DCLK2: variants seen among roughly 807,000 people sequenced by gnomAD.
DCLK2 encodes doublecortin like kinase 2.
Under a neutral mutation model 78.4 loss-of-function variants are expected in DCLK2, and 31 were observed. The ratio of observed to expected loss-of-function variants is 0.40; its 90% CI spans 0.30 to 0.53. The LOEUF (loss-of-function observed/expected upper bound fraction) is 0.53, where lower values mean the gene tolerates loss of function less well. Among genes scored for constraint, DCLK2 ranks in the 20% least tolerant of loss-of-function variants. The pLI, the probability that DCLK2 is intolerant of heterozygous loss-of-function variation, is 0.61. For missense variants in DCLK2, 872 were observed against 973.7 expected, an observed-to-expected ratio of 0.90 and a Z score of 1.39; for synonymous variants, 407 against 374.9, an observed-to-expected ratio of 1.09 and a Z score of -0.99.
intron 2 of DCLK2, among the ~76,000 whole-genome samples, chr4:150,192,692 C>A (rs182026220): frequency 5.8e-4 from 89 of 152,168 alleles, no homozygotes; most frequent in Non-Finnish European, 3.1e-4. Flanking sequence ...ATCCTCGAAA[C>A]AACCCAAGGC....
intron 2 of DCLK2, among the ~76,000 whole-genome samples, chr4:150,133,347 A>G (rs1017511208): frequency 1.3e-5 from 2 of 152,222 alleles, no homozygotes; most frequent in African/African-American, 4.8e-5. Flanking sequence ...AATGACCACG[A>G]AAGTACCACA....
At chr4:150,145,633 A>AT (rs1419897361) in intron 2 of DCLK2, among the ~76,000 whole-genome samples, 1 of 152,218 alleles carries the variant, frequency 6.6e-6, no homozygotes, top group Non-Finnish European at 1.5e-5. Context: ...CAGTCATTGC[A>AT]TTAGGTGGTT....
At position 150,102,834 on chromosome 4, in the gene DCLK2, G is replaced by C; in HGVS notation, c.756+22G>C. ...GCAGGTAAGATGCTTCTAGCTCCCA[G>C]CTCTCCATCTGACTTTTAAACTCCC... On this transcript the variant is annotated intron_variant, in intron 2 of 15. Coordinates refer to ENST00000296550, the MANE Select transcript of DCLK2 (RefSeq NM_001040260.4). The C allele has an allele frequency of 4.5e-6, 7 of 1,568,000 alleles. No individual in the cohort carries two copies. In the African/African-American group the frequency reaches 5.5e-5, roughly 12 times the overall value.
intron 1 of DCLK2, among the ~76,000 whole-genome samples, chr4:150,098,617 CTT>C (rs1730637113): frequency 6.6e-6 from 1 of 151,558 alleles, no homozygotes; most frequent in Admixed American, 6.6e-5. Flanking sequence ...GCACCTGTCA[CTT>C]TGTTTTGGTG....
At chr4:150,192,435 G>A (rs149073432) in intron 2 of DCLK2, among the ~76,000 whole-genome samples, 5 of 133,696 alleles carry the variant, frequency 3.7e-5, no homozygotes, top group Non-Finnish European at 1.5e-5. Flanking sequence ...AGCCGAAATC[G>A]CACCACTGCA....
chr4:150,218,903 T>C (rs1740951957), intron 5 of DCLK2, among the ~76,000 whole-genome samples: 1 of 152,182 alleles, frequency 6.6e-6, no homozygotes, highest in Non-Finnish European at 1.5e-5. Flanking sequence ...TTTTTATTCC[T>C]ATTAAGAATT....
intron 12 of DCLK2, among the ~76,000 whole-genome samples, chr4:150,246,348 A>T (rs1743308590): frequency 6.6e-6 from 1 of 152,048 alleles, no homozygotes; most frequent in African/African-American, 2.4e-5. Flanking sequence ...CACCCAGCCA[A>T]CTCTGCTCTT....
chr4:150,175,056 A>ATATATT (rs1187003962), intron 2 of DCLK2, among the ~76,000 whole-genome samples: 179 of 17,060 alleles, frequency 0.01, 44 homozygotes, highest in Non-Finnish European at 0.015. Flanking sequence ...ATATATTTAT[A>ATATATT]TATATATTTA....
chr4:150,190,259 A>G (rs757843955), intron 2 of DCLK2, among the ~76,000 whole-genome samples: 2 of 107,698 alleles, frequency 1.9e-5, no homozygotes, highest in African/African-American at 6.7e-5. Flanking sequence ...AGATAGATAG[A>G]TAGATAGATA....
At chr4:150,222,291 A>G (rs984396868) in intron 7 of DCLK2, among the ~76,000 whole-genome samples, 1 of 152,160 alleles carries the variant, frequency 6.6e-6, no homozygotes, top group Non-Finnish European at 1.5e-5. Context: ...GGAAAAAAAT[A>G]TTATGTATAT....
At chr4:150,087,445 G>C (rs1729727070) in intron 1 of DCLK2, among the ~76,000 whole-genome samples, 1 of 152,212 alleles carries the variant, frequency 6.6e-6, no homozygotes, top group South Asian at 2.1e-4. Flanking sequence ...AAATAGCAAT[G>C]TGAGGAGGCC....
intron 2 of DCLK2, among the ~76,000 whole-genome samples, chr4:150,155,567 G>A (rs980512334): frequency 3.9e-5 from 6 of 152,296 alleles, no homozygotes; most frequent in African/African-American, 1.4e-4. Context: ...CCATGGAAAC[G>A]TGGCCTCAGG....
rs979806409 is a variant in DCLK2 at position 150,234,603 on chromosome 4, C to T, written c.1566+1775C>T. Reference sequence around the variant, plus strand: ...TTTGGCTAATCTAATCCAGAGTACCCGTCTTTTCTTTTTGGTAATATCATT... The same window carrying T: ...TTTGGCTAATCTAATCCAGAGTACCTGTCTTTTCTTTTTGGTAATATCATT... On this transcript the variant is annotated intron_variant, in intron 10 of 15. Coordinates refer to ENST00000296550, the MANE Select transcript of DCLK2 (RefSeq NM_001040260.4). Among the ~76,000 whole-genome samples the T allele has an allele frequency of 4.6e-5, 7 of 152,122 alleles. No individual in the cohort carries two copies. The South Asian group carries it at 1.0e-3, about 23-fold the overall frequency.
intron 2 of DCLK2, among the ~76,000 whole-genome samples, chr4:150,104,894 A>G (rs1731151337): frequency 6.6e-6 from 1 of 152,166 alleles, no homozygotes. Context: ...AGTATTCAAC[A>G]TTCTTCTATA....
chr4:150,250,263 C>T (rs530961783), intron 15 of DCLK2, among the ~76,000 whole-genome samples: 1 of 152,068 alleles, frequency 6.6e-6, no homozygotes, highest in Non-Finnish European at 1.5e-5. Flanking sequence ...TTTTTTTCAG[C>T]CTTTTCTTCT....
chr4:150,254,284 G>A (rs1401995928), intron 15 of DCLK2: 1 of 397,258 alleles, frequency 2.5e-6, no homozygotes, highest in Non-Finnish European at 4.4e-6. Context: ...GTTGGGGAAG[G>A]ATTTGGGTTT....
chr4:150,118,540 A>G (rs535732279), intron 2 of DCLK2, among the ~76,000 whole-genome samples: 2 of 152,340 alleles, frequency 1.3e-5, no homozygotes, highest in East Asian at 1.9e-4. Context: ...GACTATTCCT[A>G]TACATATTTT....
chr4:150,174,808 C>A (rs1736827717), intron 2 of DCLK2, among the ~76,000 whole-genome samples: 1 of 150,196 alleles, frequency 6.7e-6, no homozygotes, highest in Non-Finnish European at 1.5e-5. Flanking sequence ...ACCAGCCTGA[C>A]CAACATGGTG....
At chr4:150,122,141 C>G (rs959193702) in intron 2 of DCLK2, among the ~76,000 whole-genome samples, 7 of 152,160 alleles carry the variant, frequency 4.6e-5, no homozygotes, top group African/African-American at 1.7e-4. Flanking sequence ...AGTAGAACTT[C>G]TTTCAAAATT....
Sources: allele counts gnomAD v4.1 joint callset (sites outside exome capture counted in the v4.1 genomes callset), GRCh38; gene constraint gnomAD v4.1.1; transcripts MANE v1.5; gene names NCBI Gene and HGNC (gene_info 2026-07-23, HGNC 2026-07-21).